The following PRKAG2 variants were observed in gnomAD, a reference collection of about 807,000 sequenced individuals.
The protein encoded by PRKAG2 is 5'-AMP-activated protein kinase subunit gamma-2.
Under a neutral mutation model 69.6 loss-of-function variants are expected in PRKAG2, and 26 were observed. The ratio of observed to expected loss-of-function variants is 0.37; its 90% CI spans 0.27 to 0.52. The LOEUF is 0.52. Ranked by LOEUF, PRKAG2 falls within the 20% of genes least tolerant of loss-of-function variation. The pLI is 0.90. For missense variants in PRKAG2, 557 were observed against 740.0 expected (o/e 0.75, Z 2.87); for synonymous variants, 293 against 285.0 (o/e 1.03, Z -0.28).
At chr7:151,712,064 G>A (rs1260761977) in intron 3 of PRKAG2, among the ~76,000 whole-genome samples, 2 of 152,244 alleles carry the variant, frequency 1.3e-5, no homozygotes, top group African/African-American at 4.8e-5. Context: ...ACTGCCCGGA[G>A]GCAGTGGCGG....
chr7:151,817,229 T>C (rs546789829), intron 1 of PRKAG2, among the ~76,000 whole-genome samples: 21 of 152,286 alleles, frequency 1.4e-4, no homozygotes, highest in Admixed American at 9.8e-4. Flanking sequence ...AGATCACAGA[T>C]ACTTAGCAAA....
chr7:151,704,343 C>T (rs1056088146), intron 3 of PRKAG2, among the ~76,000 whole-genome samples: 1 of 152,076 alleles, frequency 6.6e-6, no homozygotes, highest in Non-Finnish European at 1.5e-5. Flanking sequence ...TATGTTTTGC[C>T]TGGCTGTGTA....
chr7:151,630,295 A>G (rs1026408313), intron 5 of PRKAG2, among the ~76,000 whole-genome samples: 25 of 152,250 alleles, frequency 1.6e-4, no homozygotes, highest in African/African-American at 5.8e-4. Flanking sequence ...TCAAGTAAGA[A>G]GAAGAAAAGG....
At chr7:151,684,963 C>T (rs1585749059) in intron 3 of PRKAG2, among the ~76,000 whole-genome samples, 1 of 152,184 alleles carries the variant, frequency 6.6e-6, no homozygotes, top group Non-Finnish European at 1.5e-5. Context: ...TGCCACACGT[C>T]AGTTCATTGA....
chr7:151,572,921 T>C (rs993392188), intron 8 of PRKAG2, among the ~76,000 whole-genome samples: 2 of 152,080 alleles, frequency 1.3e-5, no homozygotes, highest in African/African-American at 4.8e-5. Flanking sequence ...GAGACCAGCC[T>C]GGCCAACATG....
chr7:151,670,440 G>A lies in PRKAG2; in HGVS notation c.684+4980C>T, dbSNP rs556041916. On this transcript the variant is annotated intron_variant, in intron 4 of 15. Transcript: ENST00000287878. ...CCTAGATTACTTCACACTGCATCTC[G>A]TCTGGGCTCCTGTTCTAACCACCTC... 3.3e-5 allele frequency among the ~76,000 whole-genome samples: 5 copies of A among 152,180 alleles called. No homozygotes were observed. The South Asian group carries it at 8.3e-4, about 25-fold the overall frequency.
At chr7:151,707,025 G>A (rs1036888432) in intron 3 of PRKAG2, among the ~76,000 whole-genome samples, 18 of 152,214 alleles carry the variant, frequency 1.2e-4, no homozygotes, top group African/African-American at 4.1e-4. Flanking sequence ...CCTCGGCTGC[G>A]TCCTGGGTGC....
chr7:151,686,938 A>T (rs1219953368), intron 3 of PRKAG2, among the ~76,000 whole-genome samples: 3 of 149,030 alleles, frequency 2.0e-5, no homozygotes, highest in Admixed American at 6.7e-5. Context: ...ATTTCTATTT[A>T]AAAAAAAAAC....
intron 3 of PRKAG2, among the ~76,000 whole-genome samples, chr7:151,767,720 G>A (rs555013680): frequency 1.8e-4 from 27 of 152,390 alleles, no homozygotes; most frequent in African/African-American, 6.3e-4. Context: ...GGCTCAAAGA[G>A]TACCAGCTAA....
rs185531201 is a variant in PRKAG2, at chr7:151,695,465, T to G, written c.467-19828A>C. On this transcript the variant is annotated intron_variant, in intron 3 of 15. Coordinates refer to ENST00000287878, the MANE Select transcript of PRKAG2 (RefSeq NM_016203.4). Reference sequence around the variant, plus strand: ...GTAGGCATTTGTGATGGCCTTTCTGTGCACTTGTGCACACAAACTTTCTCG... The same window carrying G: ...GTAGGCATTTGTGATGGCCTTTCTGGGCACTTGTGCACACAAACTTTCTCG... Among the ~76,000 whole-genome samples the G allele has an allele frequency of 1.6e-3, 243 of 152,224 alleles. 5 individuals are homozygous for G. Among genetic ancestry groups the G allele is most frequent in the Admixed American group, 0.015 (226 of 15,298 alleles).
intron 14 of PRKAG2, among the ~76,000 whole-genome samples, chr7:151,563,013 A>T (rs1013205218): frequency 7.9e-5 from 12 of 152,148 alleles, no homozygotes; most frequent in Non-Finnish European, 1.5e-4. Flanking sequence ...TCTGAAGGCT[A>T]AGGGAAACCA....
chr7:151,781,846 C>T lies in PRKAG2; in HGVS notation c.187-415G>A, dbSNP rs1267067840. The stretch of plus-strand genomic sequence containing the variant: ...CAGTCCTCTTGCCTGCCTATAAGAT[C>T]CCTATGTTCCAGAACAGAGCGGGCC... On this transcript the variant is annotated intron_variant, in intron 2 of 15. Transcript: ENST00000287878. The surrounding 1 kb of genome is among the most constrained non-coding windows in gnomAD (Gnocchi z 6.1). 3.9e-5 allele frequency among the ~76,000 whole-genome samples: 6 copies of T among 152,170 alleles called. No homozygotes were observed. The highest frequency in any genetic ancestry group is 1.2e-4 in the African/African-American group (5 of 41,436).
intron 15 of PRKAG2, chr7:151,558,375 C>T (rs753144460): frequency 1.1e-4 from 105 of 985,336 alleles, no homozygotes; most frequent in Non-Finnish European, 1.2e-4. Flanking sequence ...CACTGCGCCT[C>T]ATTGCACACA....
intron 3 of PRKAG2, among the ~76,000 whole-genome samples, chr7:151,712,459 G>A (rs1447059850): frequency 6.6e-6 from 1 of 152,200 alleles, no homozygotes; most frequent in Non-Finnish European, 1.5e-5. Context: ...AGCCCTGCAG[G>A]GGCCTTGCTC....
intron 4 of PRKAG2, among the ~76,000 whole-genome samples, chr7:151,648,688 G>T (rs768477689): frequency 5.3e-5 from 8 of 152,150 alleles, no homozygotes; most frequent in African/African-American, 9.7e-5. Context: ...AATCAATTAT[G>T]AGTCAAGTAC....
intron 3 of PRKAG2, among the ~76,000 whole-genome samples, chr7:151,682,788 G>A (rs376554487): frequency 1.6e-4 from 24 of 151,858 alleles, no homozygotes; most frequent in Non-Finnish European, 1.0e-4. Context: ...AGGAAAGCAG[G>A]GGGGAGCTCA....
intron 3 of PRKAG2, among the ~76,000 whole-genome samples, chr7:151,754,694 C>G (rs13224874): frequency 5.0e-4 from 73 of 146,514 alleles, no homozygotes; most frequent in African/African-American, 1.8e-3. Context: ...AGTCCCTGTT[C>G]TCCCGCCCAC....
At chr7:151,774,203 C>T (rs1392278042) in intron 3 of PRKAG2, among the ~76,000 whole-genome samples, 9 of 152,134 alleles carry the variant, frequency 5.9e-5, no homozygotes, top group Admixed American at 2.6e-4. Flanking sequence ...GCTACTGTAC[C>T]TCTGACCAGA....
chr7:151,557,425 G>A (rs1039729756), intron 15 of PRKAG2, 193 bp from the exon 16 acceptor site: 33 of 985,034 alleles, frequency 3.4e-5, no homozygotes, highest in Non-Finnish European at 4.0e-5. Context: ...TTGGATCCAC[G>A]TAACATCTTG....
Sources: allele counts gnomAD v4.1 joint callset (sites outside exome capture counted in the v4.1 genomes callset), GRCh38; gene constraint gnomAD v4.1.1; non-coding constraint Gnocchi (gnomAD v3.1); transcripts MANE v1.5; gene names NCBI Gene and HGNC (gene_info 2026-07-23, HGNC 2026-07-21).